The following PDZD4 variants were observed in gnomAD, a reference collection of about 807,000 sequenced individuals.
PDZD4 encodes the protein PDZ domain-containing protein 4.
PDZD4 carries 9 observed loss-of-function variants against 38.5 expected under a neutral mutation model. The ratio of observed to expected loss-of-function variants is 0.23; its 90% CI spans 0.14 to 0.41. PDZD4 has a LOEUF of 0.41. PDZD4 is among the 10% of genes least tolerant of loss of function. PDZD4 has a pLI of 1.00. For missense variants in PDZD4, 612 were observed against 722.0 expected (o/e 0.85, Z 1.75); for synonymous variants, 349 against 315.7 (o/e 1.11, Z -1.12).
At chrX:153,808,301 C>G in intron 2 of PDZD4, 41 bp downstream of exon 2, 2 of 1,170,888 alleles carry the variant, frequency 1.7e-6, no homozygotes, top group Non-Finnish European at 2.3e-6. Context: ...GGCCTGTCCT[C>G]TCTGGAGGCA....
intron 3 of PDZD4, 31 bp from the exon 4 acceptor site, chrX:153,806,871 G>A (rs782375432): frequency 1.7e-6 from 2 of 1,145,472 alleles, no homozygotes; most frequent in African/African-American, 1.8e-5. Context: ...GGAAGCAGAG[G>A]TAGAAAGCCC....
rs782112955 is a variant in PDZD4, at chrX:153,804,897, C to T, written c.784G>A (p.Gly262Arg). Reference protein sequence around the residue: ...KLKSPPAQQPGNEEEKGAPDA... With the variant: ...KLKSPPAQQPRNEEEKGAPDA... ...GGAGCCCCCTTCTCCTCTTCGTTTCCGGGCTAGAGCAGAAAGGTAAGTACC... is the reference window on the plus strand; with the variant it reads ...GGAGCCCCCTTCTCCTCTTCGTTTCTGGGCTAGAGCAGAAAGGTAAGTACC... Residue 262 changes from glycine to arginine, a missense_variant, in exon 8 of 8, where the codon GGA (glycine) becomes AGA (arginine). Transcript: ENST00000393758. 21 of 1,205,227 alleles carry T rather than the reference C, an allele frequency of 1.7e-5. No homozygotes were observed. The highest frequency in any genetic ancestry group is 3.0e-5 in the East Asian group (1 of 33,762).
At chrX:153,808,945 T>C (rs1188180994) in intron 1 of PDZD4, among the ~76,000 whole-genome samples, 2 of 112,936 alleles carry the variant, frequency 1.8e-5, no homozygotes, top group Non-Finnish European at 3.8e-5. Context: ...GACCCACTTC[T>C]TTCTAGGGCG....
At chrX:153,821,327 T>A (rs1161578589) in intron 1 of PDZD4, among the ~76,000 whole-genome samples, 2 of 111,156 alleles carry the variant, frequency 1.8e-5, no homozygotes, top group East Asian at 5.7e-4. Flanking sequence ...GTCAGTTAGC[T>A]GCACATGGCA....
intron 1 of PDZD4, among the ~76,000 whole-genome samples, chrX:153,827,378 A>G (rs782573953): frequency 1.7e-4 from 19 of 112,367 alleles, no homozygotes; most frequent in Non-Finnish European, 3.2e-4. Flanking sequence ...CTACAGGCAC[A>G]CACTCCAAAG....
At chrX:153,830,058 C>T in intron 1 of PDZD4, 181 bp downstream of exon 1, 1 of 579,894 alleles carries the variant, frequency 1.7e-6, no homozygotes, top group South Asian at 4.8e-5. Flanking sequence ...CCACCCCACC[C>T]GTGGCTGGTT....
At chrX:153,814,210 A>T (rs2064336381) in intron 1 of PDZD4, among the ~76,000 whole-genome samples, 1 of 111,516 alleles carries the variant, frequency 9.0e-6, no homozygotes, top group African/African-American at 3.3e-5. Flanking sequence ...ACGGAGGCTC[A>T]CGCCTGTAAT....
intron 2 of PDZD4, among the ~76,000 whole-genome samples, 186 bp from the exon 3 acceptor site, chrX:153,807,555 G>A (rs782448814): frequency 1.8e-5 from 2 of 113,321 alleles, no homozygotes; most frequent in African/African-American, 6.4e-5. Context: ...TGCAAAGACC[G>A]GGGGCACTTC....
rs782116183 is a variant in PDZD4, at chrX:153,803,455, G to T, written c.2226C>A (p.Ile742=). Residue 742 remains isoleucine, a synonymous_variant, in exon 8 of 8, where the codon ATC becomes ATA. Coordinates refer to ENST00000393758, the MANE Select transcript of PDZD4 (RefSeq NM_001303512.2). ...RKTMKKRNKK[I]LDNWITIQEM... ...CCTGGATGGTGATCCAGTTGTCCAG[G>T]ATCTTCTTGTTCCGCTTCTTCATGG... 8.7e-7 allele frequency: 1 copy of T among 1,155,315 alleles called. No individual in the cohort carries two copies. The highest frequency in any genetic ancestry group is 2.1e-5 in the South Asian group (1 of 48,326).
rs782715536 is a variant in PDZD4, at chrX:153,829,761, C to G, written c.60+478G>C. ...AGACGCCTAAGGCCCGGGAGCCCAT[C>G]GTTCGGGCAGGGCCAGGCGGGAGTG... On this transcript the variant is annotated intron_variant, in intron 1 of 7. Coordinates refer to ENST00000393758, the MANE Select transcript of PDZD4 (RefSeq NM_001303512.2). 112 of 754,374 alleles carry G rather than the reference C, an allele frequency of 1.5e-4. 1 individual carries two copies. In the African/African-American group the frequency reaches 2.0e-3, roughly 14 times the overall value. 62.2% of individuals were successfully genotyped at this position (754,374 alleles called of 1,213,427 possible). A position where few individuals can be genotyped will look rare whatever the true frequency, so the allele number is the denominator to read the frequency against.
chrX:153,815,058 C>T (rs1557079587), intron 1 of PDZD4, among the ~76,000 whole-genome samples: 1 of 113,140 alleles, frequency 8.8e-6, no homozygotes, highest in Non-Finnish European at 1.9e-5. Flanking sequence ...CCGGGGAGTG[C>T]AGCAGCCTGT....
At position 153,808,422 on chromosome X, in the gene PDZD4, G is replaced by A. The variant is rs2064276759; in HGVS notation, c.234C>T (p.Phe78=). The A allele has an allele frequency of 2.5e-6, 3 of 1,211,397 alleles. No individual in the cohort carries two copies. Among genetic ancestry groups the A allele is most frequent in the Non-Finnish European group, 2.2e-6 (2 of 895,516 alleles). ...GCTTGCCCAGCGCCATGATATGCTC[G>A]AAGGTGATGTCGGTCTGAGTGCCAC... is the stretch of plus-strand genomic sequence containing the variant. ...VDSGTQTDIT[F]EHIMALGKLR... Residue 78 remains phenylalanine, a synonymous_variant, in exon 2 of 8, where the codon TTC becomes TTT. Coordinates refer to ENST00000393758, the MANE Select transcript of PDZD4 (RefSeq NM_001303512.2).
Position 153,803,506 on chromosome X carries a change from G to A in PDZD4, c.2175C>T (p.Asn725=), listed in dbSNP as rs1402114949. 1 of 1,187,762 alleles carries A rather than the reference G, an allele frequency of 8.4e-7. No individual in the cohort carries two copies. The highest frequency in any genetic ancestry group is 1.8e-5 in the African/African-American group (1 of 56,886). ...TTTTGCGGTGGCTCAGGGCAATGAT[G>A]TTGAGCTCGGGCTTGCTGTCGCCAT... ...QQNGDSKPEL[N]IIALSHRKTM... is the part of the protein sequence containing the mutation. Residue 725 remains asparagine (N), a synonymous_variant, in exon 8 of 8, where the codon AAC becomes AAT. Coordinates refer to ENST00000393758, the MANE Select transcript of PDZD4 (RefSeq NM_001303512.2).
At chrX:153,816,219 C>A (rs1347327504) in intron 1 of PDZD4, among the ~76,000 whole-genome samples, 1 of 105,524 alleles carries the variant, frequency 9.5e-6, no homozygotes, top group Non-Finnish European at 2.0e-5. Flanking sequence ...CGGTGGTGGG[C>A]CTGGATGCTA....
At chrX:153,823,693 G>A (rs1325456549) in intron 1 of PDZD4, among the ~76,000 whole-genome samples, 2 of 112,419 alleles carry the variant, frequency 1.8e-5, no homozygotes, top group Admixed American at 9.4e-5. Flanking sequence ...CCCGAGGGCA[G>A]CAACTCCCTC....
At position 153,803,434 on chromosome X, in the gene PDZD4, G is replaced by C; in HGVS notation, c.2247C>G (p.Ile749Met). The change falls in exon 8 of 8, where the codon ATC becomes ATG. Residue 749 changes from isoleucine (I) to methionine (M), a missense_variant. Around this residue, in one of 3 missense-constraint regions of PDZD4, gnomAD observed 87 missense variants for 126.3 expected, o/e 0.69. Transcript: ENST00000393758. The part of the protein sequence containing the change: ...NKKILDNWIT[I>M]QEMLAHGARS... The stretch of plus-strand genomic sequence containing the variant: ...GCGCGCCGTGGGCCAGCATCTCCTG[G>C]ATGGTGATCCAGTTGTCCAGGATCT... 1 of 1,149,900 alleles carries C rather than the reference G, an allele frequency of 8.7e-7. No individual in the cohort carries two copies. Among genetic ancestry groups the C allele is most frequent in the Non-Finnish European group, 1.2e-6 (1 of 865,999 alleles). The allele number at this position is 1,149,900 out of a possible 1,213,427, so 94.8% of individuals were successfully genotyped here. A position where few individuals can be genotyped will look rare whatever the true frequency, so the allele number is the denominator to read the frequency against.
chrX:153,806,177 C>T (rs2064247615), intron 4 of PDZD4, 44 bp from the exon 5 acceptor site: 1 of 1,181,968 alleles, frequency 8.5e-7, no homozygotes, highest in Admixed American at 2.2e-5. Context: ...CTAACATGCC[C>T]TTTCGGTAGA....
chrX:153,803,449 G>A lies in PDZD4; in HGVS notation c.2232C>T (p.Asp744=), dbSNP rs151185706. Residue 744 remains aspartate, a synonymous_variant, in exon 8 of 8, where the codon GAC becomes GAT. Coordinates refer to ENST00000393758, the MANE Select transcript of PDZD4 (RefSeq NM_001303512.2). The part of the protein sequence containing the change: ...TMKKRNKKIL[D]NWITIQEMLA... Reference sequence around the variant, plus strand: ...GCATCTCCTGGATGGTGATCCAGTTGTCCAGGATCTTCTTGTTCCGCTTCT... The same window carrying A: ...GCATCTCCTGGATGGTGATCCAGTTATCCAGGATCTTCTTGTTCCGCTTCT... 1.4e-3 allele frequency: 1,663 copies of A among 1,152,530 alleles called. 1 individual carries two copies. The highest frequency in any genetic ancestry group is 2.9e-3 in the Admixed American group (108 of 36,894). The allele number at this position is 1,152,530 out of a possible 1,213,427, so 95.0% of individuals were successfully genotyped here.
intron 1 of PDZD4, among the ~76,000 whole-genome samples, chrX:153,812,927 C>T (rs925158800): frequency 9.2e-6 from 1 of 108,974 alleles, no homozygotes. Flanking sequence ...GGCACAAACA[C>T]TCAACATGGC....
Sources: gnomAD v4.1 joint callset for allele counts (sites outside exome capture counted in the v4.1 genomes callset) on GRCh38, gnomAD v4.1.1 for gene constraint, gnomAD v4.1.1 regional missense constraint, MANE v1.5 for transcripts, NCBI Gene and HGNC (gene_info 2026-07-23, HGNC 2026-07-21) for gene names.